The following LNX2 variants were observed in gnomAD, a reference collection of about 807,000 sequenced individuals.
LNX2 encodes the protein ligand of numb-protein X 2, also known as ligand of Numb protein X 2.
A neutral mutation model predicts 66.2 loss-of-function variants in LNX2; 35 were observed. The observed-to-expected ratio is 0.53, with a 90% confidence interval of 0.40 to 0.70. The LOEUF is 0.70. LNX2 is among the 30% of genes least tolerant of loss of function. LNX2 has a pLI of 0.00. For missense variants in LNX2, 791 were observed against 850.8 expected, an observed-to-expected ratio of 0.93 and a Z score of 0.87; for synonymous variants, 337 against 315.6, an observed-to-expected ratio of 1.07 and a Z score of -0.72.
intron 3 of LNX2, 51 bp from the exon 4 acceptor site, chr13:27,567,890 A>G: frequency 7.0e-7 from 1 of 1,427,230 alleles, no homozygotes; most frequent in South Asian, 1.2e-5. Context: ...AAAAATAAAC[A>G]AACCCAACAA....
intron 2 of LNX2, among the ~76,000 whole-genome samples, chr13:27,576,523 C>T (rs113260063): frequency 2.3e-3 from 347 of 150,900 alleles, no homozygotes; most frequent in African/African-American, 8.0e-3. Flanking sequence ...TGAGACAAGC[C>T]TGGTGCAATA....
Position 27,569,180 on chromosome 13 carries a change from T to C in LNX2, c.504A>G (p.Leu168=), listed in dbSNP as rs1566119867. ...EIENENGPTL[L]DPAGTLSPEA... ...CTGGAGATAAGGTACCTGCAGGATC[T>C]AGTAGAGTGGGCCCATTTTCATTCT... The change falls in exon 3 of 10, where the codon CTA becomes CTG. Residue 168 remains leucine (L), a synonymous_variant. Transcript: ENST00000316334. 1.9e-6 allele frequency: 3 copies of C among 1,613,076 alleles called. No individual in the cohort carries two copies. The highest frequency in any genetic ancestry group is 2.2e-5 in the East Asian group (1 of 44,854).
At chr13:27,573,584 G>A (rs1216517930) in intron 2 of LNX2, among the ~76,000 whole-genome samples, 1 of 152,132 alleles carries the variant, frequency 6.6e-6, no homozygotes, top group Non-Finnish European at 1.5e-5. Flanking sequence ...GGCTGTGTGT[G>A]TAGGCTAAGG....
Position 27,581,535 on chromosome 13 carries a change from G to C in LNX2, c.169C>G (p.Leu57Val), listed in dbSNP as rs1196827757. 4 of 1,614,100 alleles carry C rather than the reference G, an allele frequency of 2.5e-6. No individual in the cohort carries two copies. The highest frequency in any genetic ancestry group is 3.4e-6 in the Non-Finnish European group (4 of 1,180,036). Residue 57 changes from leucine (L) to valine (V), a missense_variant, in exon 2 of 10, where the codon CTG becomes GTG. By Grantham distance (32) the Leu-to-Val change is conservative (BLOSUM62 1). Transcript: ENST00000316334. ...DLVCHICLQP[L>V]LQPLDTPCGH... Reference sequence around the variant, plus strand: ...CAGGGTGTGTCTAGTGGCTGCAGCAGAGGTTGAAGGCAAATATGGCAGACT... The same window carrying C: ...CAGGGTGTGTCTAGTGGCTGCAGCACAGGTTGAAGGCAAATATGGCAGACT...
chr13:27,569,217 T>C lies in LNX2; in HGVS notation c.467A>G (p.Gln156Arg), dbSNP rs780234983. The C allele has an allele frequency of 1.2e-5, 19 of 1,613,596 alleles. No homozygotes were observed. The South Asian group carries it at 2.0e-4, about 17-fold the overall frequency. The change falls in exon 3 of 10, where the codon CAA (glutamine) becomes CGA (arginine). Residue 156 changes from glutamine (Q) to arginine (R), a missense_variant. Coordinates refer to ENST00000316334, the MANE Select transcript of LNX2 (RefSeq NM_153371.4). ...CCCATTTTCATTCTCAATCTCTGCT[T>C]GAGTTCTACTAGTTTTCCTTCTCTC... ...ALERRKTSRTQAEIENENGPT... is the reference protein window; with the variant it reads ...ALERRKTSRTRAEIENENGPT...
At chr13:27,599,432 T>C (rs888082085) in intron 1 of LNX2, among the ~76,000 whole-genome samples, 24 of 152,210 alleles carry the variant, frequency 1.6e-4, no homozygotes, top group African/African-American at 5.8e-4. Context: ...TGGTTTTTCC[T>C]GCCAATGGCT....
intron 1 of LNX2, among the ~76,000 whole-genome samples, chr13:27,586,724 C>T (rs780133114): frequency 5.9e-5 from 9 of 152,278 alleles, no homozygotes; most frequent in Non-Finnish European, 5.9e-5. Context: ...TAGTCTCAAA[C>T]ATTTCCTAAA....
At chr13:27,618,389 G>A (rs932424934) in intron 1 of LNX2, among the ~76,000 whole-genome samples, 1 of 152,124 alleles carries the variant, frequency 6.6e-6, no homozygotes, top group Non-Finnish European at 1.5e-5. Flanking sequence ...GTATGACAGA[G>A]CCTGATTCCA....
intron 1 of LNX2, among the ~76,000 whole-genome samples, chr13:27,618,556 G>A (rs755233111): frequency 3.1e-4 from 47 of 152,130 alleles, no homozygotes; most frequent in Non-Finnish European, 5.6e-4. Flanking sequence ...ACATTCTCCT[G>A]CTTAAAATTA....
At chr13:27,595,658 T>C (rs1955589324) in intron 1 of LNX2, among the ~76,000 whole-genome samples, 1 of 152,232 alleles carries the variant, frequency 6.6e-6, no homozygotes, top group South Asian at 2.1e-4. Flanking sequence ...GATTCTATCA[T>C]ATCTGTCTCT....
chr13:27,550,987 C>T (rs1285595876), intron 8 of LNX2, among the ~76,000 whole-genome samples: 1 of 152,170 alleles, frequency 6.6e-6, no homozygotes, highest in Non-Finnish European at 1.5e-5. Context: ...TCTAAAGGTC[C>T]TATAGGCTTT....
At chr13:27,566,644 T>C (rs1253702223) in intron 4 of LNX2, among the ~76,000 whole-genome samples, 1 of 152,046 alleles carries the variant, frequency 6.6e-6, no homozygotes, top group Non-Finnish European at 1.5e-5. Flanking sequence ...AAGTATATGA[T>C]GGGGTATTCT....
intron 1 of LNX2, among the ~76,000 whole-genome samples, chr13:27,586,173 A>C (rs1955484837): frequency 1.3e-5 from 2 of 151,746 alleles, no homozygotes; most frequent in Non-Finnish European, 2.9e-5. Context: ...TCATAGGTGC[A>C]ATGTAAGTGC....
chr13:27,553,129 A>C, intron 8 of LNX2, 79 bp downstream of exon 8: 1 of 1,176,086 alleles, frequency 8.5e-7, no homozygotes, highest in South Asian at 1.4e-5. Flanking sequence ...CCCAACGAGT[A>C]AATTTATCAT....
Position 27,559,858 on chromosome 13 carries a change from C to T in LNX2, c.1352G>A (p.Arg451Lys). ...QHHTPPPYYS[R>K]PSSHKDLTQC... ...AATCCTCACCTTATGTGAGCTTGGT[C>T]TGCTATAATACGGTGGTGGTGTGTG... Residue 451 changes from arginine to lysine, a missense_variant, in exon 6 of 10, where the codon AGA becomes AAA. Coordinates refer to ENST00000316334, the MANE Select transcript of LNX2 (RefSeq NM_153371.4). 1 of 1,572,070 alleles carries T rather than the reference C, an allele frequency of 6.4e-7. No individual in the cohort carries two copies. The highest frequency in any genetic ancestry group is 8.6e-7 in the Non-Finnish European group (1 of 1,156,846).
At chr13:27,587,891 AGT>A (rs1483898206) in intron 1 of LNX2, among the ~76,000 whole-genome samples, 6 of 151,948 alleles carry the variant, frequency 3.9e-5, no homozygotes. Context: ...CATGGTGGCG[AGT>A]GCCTGTAGTC....
intron 1 of LNX2, among the ~76,000 whole-genome samples, chr13:27,612,639 C>A (rs1955784075): frequency 6.6e-6 from 1 of 152,202 alleles, no homozygotes; most frequent in African/African-American, 2.4e-5. Flanking sequence ...ACTCTTGTTG[C>A]CCAGGCTGGA....
intron 7 of LNX2, among the ~76,000 whole-genome samples, chr13:27,553,720 G>C (rs1341624415): frequency 2.0e-5 from 3 of 152,178 alleles, no homozygotes; most frequent in South Asian, 4.1e-4. Flanking sequence ...TCATCAGTCT[G>C]AGTTTAGCTG....
chr13:27,596,400 G>C (rs1955599227), intron 1 of LNX2, among the ~76,000 whole-genome samples: 1 of 152,052 alleles, frequency 6.6e-6, no homozygotes, highest in Admixed American at 6.6e-5. Context: ...ATTGTTTACA[G>C]ATTCATCATT....
Sources: allele counts gnomAD v4.1 joint callset (sites outside exome capture counted in the v4.1 genomes callset), GRCh38; gene constraint gnomAD v4.1.1; transcripts MANE v1.5; gene names NCBI Gene and HGNC (gene_info 2026-07-23, HGNC 2026-07-21).